KLHL32: variants seen among roughly 807,000 people sequenced by gnomAD.
The protein encoded by KLHL32 is kelch-like protein 32.
Under a neutral mutation model 64.8 loss-of-function variants are expected in KLHL32, and 35 were observed. The observed-to-expected ratio is 0.54, with a 90% confidence interval of 0.41 to 0.72. The LOEUF is 0.72. KLHL32 is among the 30% of genes least tolerant of loss of function. The pLI, the probability that KLHL32 is intolerant of heterozygous loss-of-function variation, is 0.00. For missense variants in KLHL32, 589 were observed against 768.5 expected (o/e 0.77, Z 2.76); for synonymous variants, 259 against 281.0 (o/e 0.92, Z 0.78).
chr6:97,002,751 T>C (rs1582662927), intron 3 of KLHL32, among the ~76,000 whole-genome samples: 1 of 152,342 alleles, frequency 6.6e-6, no homozygotes, highest in South Asian at 2.1e-4. Flanking sequence ...CTGCGTTAGT[T>C]CACTTACAGT....
At chr6:96,984,377 C>T (rs1446324069) in intron 3 of KLHL32, among the ~76,000 whole-genome samples, 16 of 152,166 alleles carry the variant, frequency 1.1e-4, no homozygotes, top group Admixed American at 1.0e-3. Flanking sequence ...GTGGAGAGTT[C>T]TGTAGATGTC....
intron 1 of KLHL32, among the ~76,000 whole-genome samples, chr6:96,950,855 T>C (rs893042153): frequency 6.6e-6 from 1 of 152,182 alleles, no homozygotes; most frequent in Non-Finnish European, 1.5e-5. Context: ...CTACTTTGAT[T>C]CCACAACAGA....
chr6:97,132,536 C>G (rs1273059894), intron 9 of KLHL32, 117 bp from the exon 10 acceptor site: 1 of 702,238 alleles, frequency 1.4e-6, no homozygotes, highest in African/African-American at 1.8e-5. Context: ...TGCAAAAATC[C>G]CATGGAGTAT....
At chr6:97,112,429 T>C (rs1797261511) in intron 6 of KLHL32, among the ~76,000 whole-genome samples, 1 of 152,062 alleles carries the variant, frequency 6.6e-6, no homozygotes, top group East Asian at 1.9e-4. Flanking sequence ...CATAAATGAA[T>C]TGTGGTTTTT....
chr6:97,125,507 A>C (rs1798778241), intron 7 of KLHL32, among the ~76,000 whole-genome samples: 1 of 152,242 alleles, frequency 6.6e-6, no homozygotes, highest in Non-Finnish European at 1.5e-5. Flanking sequence ...CAATTCTATT[A>C]AGCAAAGTTT....
chr6:96,980,421 T>C (rs1009240510), intron 3 of KLHL32, among the ~76,000 whole-genome samples: 15 of 152,218 alleles, frequency 9.9e-5, no homozygotes, highest in African/African-American at 3.4e-4. Context: ...GAGATGATCA[T>C]GTGGTTTTTG....
intron 5 of KLHL32, 114 bp downstream of exon 5, chr6:97,064,840 C>A: frequency 1.2e-6 from 1 of 811,374 alleles, no homozygotes; most frequent in Non-Finnish European, 2.0e-6. Context: ...GGGGTGTGGG[C>A]TGTGGTAGTA....
chr6:97,025,218 T>G (rs1394702892), intron 3 of KLHL32: 1 of 727,138 alleles, frequency 1.4e-6, no homozygotes, highest in Non-Finnish European at 1.7e-6. Context: ...AAAATCTGAT[T>G]TGGAACGAAT....
Position 97,030,710 on chromosome 6 carries a change from C to T in KLHL32, c.205-10782C>T, listed in dbSNP as rs145132059. On this transcript the variant is annotated intron_variant, in intron 3 of 10. Transcript: ENST00000369261. ...TGTTCTTTTTTTTCTAAATGTCTAG[C>T]TTTGAACTCACTTGTGTTTCTCAAA... Among the ~76,000 whole-genome samples the T allele has an allele frequency of 4.6e-5, 7 of 152,300 alleles. No homozygotes were observed. In the East Asian group the frequency reaches 7.7e-4, roughly 17 times the overall value.
Position 96,967,040 on chromosome 6 carries a change from C to A in KLHL32, c.-21C>A. On this transcript the variant is annotated 5_prime_UTR_variant, in exon 2 of 11. Transcript: ENST00000369261. ...CTCTGCACACTTCTAAGGCTGAGAA[C>A]CTGAGGAACCCAGCTGGAAAATGCC... is the stretch of plus-strand genomic sequence containing the variant. The A allele has an allele frequency of 6.2e-7, 1 of 1,612,918 alleles. No homozygotes were observed. The highest frequency in any genetic ancestry group is 2.2e-5 in the East Asian group (1 of 44,874).
chr6:96,907,701 A>G, the KLHL32 span, among the ~76,000 whole-genome samples: 3,833 of 152,150 alleles, frequency 0.025, 72 homozygotes, highest in Non-Finnish European at 0.034. Flanking sequence ...CCACAACTTA[A>G]CTCGCCCAGC....
intron 4 of KLHL32, among the ~76,000 whole-genome samples, chr6:97,060,692 A>G (rs151177861): frequency 1.6e-4 from 25 of 152,288 alleles, no homozygotes; most frequent in African/African-American, 6.0e-4. Flanking sequence ...ATTGGTGACC[A>G]GAGGACATGT....
chr6:96,970,850 A>G (rs1448527824), intron 2 of KLHL32, among the ~76,000 whole-genome samples: 2 of 152,172 alleles, frequency 1.3e-5, no homozygotes, highest in Admixed American at 1.3e-4. Flanking sequence ...ATAGAAATGA[A>G]ATTATTTTAT....
chr6:96,904,339 CAAAAAAAA>C, the KLHL32 span, among the ~76,000 whole-genome samples: 105 of 106,070 alleles, frequency 9.9e-4, no homozygotes, highest in East Asian at 0.017. Flanking sequence ...AAGACTTTGT[CAAAAAAAA>C]AAAAAAAAAA....
chr6:96,911,824 C>CTT, the KLHL32 span, among the ~76,000 whole-genome samples: 366 of 54,046 alleles, frequency 6.8e-3, 84 homozygotes, highest in African/African-American at 0.012. Flanking sequence ...CTCGGTCCTT[C>CTT]TTTTTTTTTT....
chr6:97,091,062 G>A (rs1360823556), intron 6 of KLHL32, among the ~76,000 whole-genome samples: 1 of 152,142 alleles, frequency 6.6e-6, no homozygotes, highest in African/African-American at 2.4e-5. Flanking sequence ...CTGTCTCTAC[G>A]AAAATATTAG....
chr6:97,066,243 G>A (rs1008837459), intron 5 of KLHL32, among the ~76,000 whole-genome samples: 4 of 152,188 alleles, frequency 2.6e-5, no homozygotes, highest in African/African-American at 7.2e-5. Context: ...GATGCATGCT[G>A]ACACAGTTTG....
intron 3 of KLHL32, among the ~76,000 whole-genome samples, chr6:96,996,446 A>T (rs1205144124): frequency 2.6e-5 from 4 of 152,208 alleles, no homozygotes; most frequent in Non-Finnish European, 5.9e-5. Flanking sequence ...TTGCTATTTG[A>T]TTAAAATTAC....
rs529718803 is a variant in KLHL32, at chr6:97,023,871, G to A, written c.205-17621G>A. ...GGAGATATTAGAATCTGGTTCAGAA[G>A]AGAGTCCTGAAAAGCTGCAATAGGC... On this transcript the variant is annotated intron_variant, in intron 3 of 10. Coordinates refer to ENST00000369261, the MANE Select transcript of KLHL32 (RefSeq NM_052904.4). 7.9e-5 allele frequency among the ~76,000 whole-genome samples: 12 copies of A among 152,338 alleles called. No homozygotes were observed. In the South Asian group the frequency reaches 2.5e-3, roughly 32 times the overall value.
Sources: gnomAD v4.1 joint callset for allele counts (sites outside exome capture counted in the v4.1 genomes callset) on GRCh38, gnomAD v4.1.1 for gene constraint, MANE v1.5 for transcripts, NCBI Gene and HGNC (gene_info 2026-07-23, HGNC 2026-07-21) for gene names.